ANKH: variants seen among roughly 807,000 people sequenced by gnomAD.
ANKH encodes mineralization regulator ANKH.
In ANKH, 15 loss-of-function variants were observed where a neutral mutation model predicts 49.0. The ratio of observed to expected loss-of-function variants is 0.31; its 90% CI spans 0.20 to 0.47. ANKH has a LOEUF of 0.47. Ranked by LOEUF, ANKH falls within the 20% of genes least tolerant of loss-of-function variation. The probability of loss-of-function intolerance (pLI) is 1.00; values close to 1 mark genes in which losing one functional copy is unlikely to be tolerated. For missense variants in ANKH, 429 were observed against 652.0 expected, an observed-to-expected ratio of 0.66 and a Z score of 3.72; for synonymous variants, 273 against 260.0, an observed-to-expected ratio of 1.05 and a Z score of -0.48.
At chr5:14,853,747 A>G (rs1279126583) in intron 1 of ANKH, among the ~76,000 whole-genome samples, 2 of 152,152 alleles carry the variant, frequency 1.3e-5, no homozygotes, top group African/African-American at 4.8e-5. Context: ...GTGTATTTTA[A>G]GTGAATTTTA....
intron 1 of ANKH, among the ~76,000 whole-genome samples, chr5:14,805,507 C>T (rs1189889582): frequency 6.8e-6 from 1 of 146,280 alleles, no homozygotes; most frequent in Non-Finnish European, 1.5e-5. Context: ...CACACACACA[C>T]GTATATATAC....
chr5:14,821,536 A>G (rs1204605178), intron 1 of ANKH, among the ~76,000 whole-genome samples: 1 of 152,252 alleles, frequency 6.6e-6, no homozygotes, highest in Non-Finnish European at 1.5e-5. Context: ...ATTATGGTTT[A>G]TACTTGCTGT....
At chr5:14,832,263 TA>T (rs1463327256) in intron 1 of ANKH, among the ~76,000 whole-genome samples, 3 of 152,292 alleles carry the variant, frequency 2.0e-5, no homozygotes, top group Non-Finnish European at 2.9e-5. Flanking sequence ...TAAAAGCTAT[TA>T]AAAAGTTGCT....
chr5:14,852,912 A>G lies in ANKH; in HGVS notation c.96+18440T>C, dbSNP rs1464038775. The stretch of plus-strand genomic sequence containing the variant: ...ACCCAGGAGAATTCATTCCCATCAC[A>G]CCCATTAATTCCACCCAAGCAGATC... On this transcript the variant is annotated intron_variant, in intron 1 of 11. Transcript: ENST00000284268. Among the ~76,000 whole-genome samples, 6 of 151,720 alleles carry G rather than the reference A, an allele frequency of 4.0e-5. No homozygotes were observed. The East Asian group carries it at 9.7e-4, about 25-fold the overall frequency.
intron 1 of ANKH, among the ~76,000 whole-genome samples, chr5:14,806,218 A>G (rs931707175): frequency 3.3e-5 from 5 of 152,180 alleles, no homozygotes; most frequent in African/African-American, 9.7e-5. Flanking sequence ...TCAGTTAAAG[A>G]GAATTATCTC....
chr5:14,825,506 C>G (rs1741313958), intron 1 of ANKH, among the ~76,000 whole-genome samples: 1 of 152,106 alleles, frequency 6.6e-6, no homozygotes, highest in Non-Finnish European at 1.5e-5. Flanking sequence ...TGTGCACCAC[C>G]ATGCCTGATT....
Position 14,709,829 on chromosome 5 carries a change from C to T in ANKH, c.*1368G>A, listed in dbSNP as rs1366595342. On this transcript the variant is annotated 3_prime_UTR_variant, in exon 12 of 12. Coordinates refer to ENST00000284268, the MANE Select transcript of ANKH (RefSeq NM_054027.6). ...AGCAATCACCGTATTGTATTAGAGACATTTTATTGAAAATGCGAAAATAGG... is the reference window on the plus strand; with the variant it reads ...AGCAATCACCGTATTGTATTAGAGATATTTTATTGAAAATGCGAAAATAGG... 1.3e-5 allele frequency: 2 copies of T among 152,582 alleles called. No individual in the cohort carries two copies. Among genetic ancestry groups the T allele is most frequent in the Non-Finnish European group, 2.9e-5 (2 of 68,018 alleles). 9.5% of individuals were successfully genotyped at this position (152,582 alleles called of 1,614,324 possible). A position where few individuals can be genotyped will look rare whatever the true frequency, so the allele number is the denominator to read the frequency against.
chr5:14,867,429 T>C (rs141143772), intron 1 of ANKH, among the ~76,000 whole-genome samples: 206 of 152,324 alleles, frequency 1.4e-3, no homozygotes, highest in Non-Finnish European at 2.3e-3. Flanking sequence ...TACTTTTGAT[T>C]CTCAATCTGT....
At chr5:14,719,079 T>G (rs2065908937) in intron 8 of ANKH, among the ~76,000 whole-genome samples, 1 of 152,156 alleles carries the variant, frequency 6.6e-6, no homozygotes, top group South Asian at 2.1e-4. Context: ...AAAGGGCCCA[T>G]CCGGGGGAGG....
intron 1 of ANKH, among the ~76,000 whole-genome samples, chr5:14,788,971 G>A (rs1332989864): frequency 6.6e-6 from 1 of 152,252 alleles, no homozygotes; most frequent in Non-Finnish European, 1.5e-5. Context: ...GCTCACGCCT[G>A]TAATCCCAGC....
intron 1 of ANKH, among the ~76,000 whole-genome samples, chr5:14,858,730 TAAATA>T (rs1270520489): frequency 1.0e-5 from 1 of 95,912 alleles, no homozygotes; most frequent in East Asian, 3.4e-4. Context: ...AATAAATAAA[TAAATA>T]AATAAATAAA....
At chr5:14,821,515 C>A (rs1271702084) in intron 1 of ANKH, among the ~76,000 whole-genome samples, 1 of 152,172 alleles carries the variant, frequency 6.6e-6, no homozygotes, top group Non-Finnish European at 1.5e-5. Flanking sequence ...TAACACTGAC[C>A]GTTTTTGGTA....
chr5:14,793,048 A>AT lies in ANKH; in HGVS notation c.97-23858_97-23857insA, dbSNP rs67589043. Among the ~76,000 whole-genome samples, 13 of 40,574 alleles carry AT rather than the reference A, an allele frequency of 3.2e-4. No homozygotes were observed. In the East Asian group the frequency reaches 0.01, roughly 33 times the overall value. The allele number at this position is 40,574 out of a possible 152,430, so 26.6% of individuals were successfully genotyped here. ...TATATATATATAAAAATATATATATAAATATATATAAAATATATATAAATA... is the reference window on the plus strand; with the variant it reads ...TATATATATATAAAAATATATATATATAATATATATAAAATATATATAAATA... On this transcript the variant is annotated intron_variant, in intron 1 of 11. Coordinates refer to ENST00000284268, the MANE Select transcript of ANKH (RefSeq NM_054027.6).
At chr5:14,723,617 T>A (rs1285300021) in intron 8 of ANKH, among the ~76,000 whole-genome samples, 4 of 152,008 alleles carry the variant, frequency 2.6e-5, no homozygotes, top group African/African-American at 9.7e-5. Flanking sequence ...CCAGCCTGAG[T>A]GACAAGATCC....
At position 14,749,190 on chromosome 5, in the gene ANKH, G is replaced by A; in HGVS notation, c.804C>T (p.Gly268=). The A allele has an allele frequency of 6.2e-7, 1 of 1,614,012 alleles. No individual in the cohort carries two copies. Among genetic ancestry groups the A allele is most frequent in the Non-Finnish European group, 8.5e-7 (1 of 1,179,930 alleles). The stretch of plus-strand genomic sequence containing the variant: ...GGCCCACCTCTGTGGCTGCAGAACT[G>A]CCACCAAGGTCCCGGGAAACAAAGA... The part of the protein sequence containing the change: ...VNLFVSRDLG[G]SSAATEAVAI... Residue 268 remains glycine (G), a synonymous_variant, in exon 6 of 12, where the codon GGC becomes GGT. Coordinates refer to ENST00000284268, the MANE Select transcript of ANKH (RefSeq NM_054027.6).
rs1477331541 is a variant in ANKH, at chr5:14,823,392, A to C, written c.96+47960T>G. Among the ~76,000 whole-genome samples the C allele has an allele frequency of 7.2e-5, 11 of 152,348 alleles. No homozygotes were observed. In the East Asian group the frequency reaches 2.1e-3, roughly 29 times the overall value. On this transcript the variant is annotated intron_variant, in intron 1 of 11. Coordinates refer to ENST00000284268, the MANE Select transcript of ANKH (RefSeq NM_054027.6). ...AATTTTAAAATAAAAAGAACTTTTA[A>C]AAAGGAGAGATCCTGTTTATAAAAT... is the stretch of plus-strand genomic sequence containing the variant.
At chr5:14,816,746 C>A (rs750724875) in intron 1 of ANKH, among the ~76,000 whole-genome samples, 2 of 152,122 alleles carry the variant, frequency 1.3e-5, no homozygotes, top group Non-Finnish European at 2.9e-5. Context: ...CCAAGAAAAG[C>A]TTCTCAAAAA....
Position 14,737,541 on chromosome 5 carries a change from G to A in ANKH, c.1011+4286C>T, listed in dbSNP as rs1738225646. Reference sequence around the variant, plus strand: ...GCCAGTCACATGAGCGACAGAGACCGCAGCTGTCCAGGAAGGCTCAGGGCA... The same window carrying A: ...GCCAGTCACATGAGCGACAGAGACCACAGCTGTCCAGGAAGGCTCAGGGCA... On this transcript the variant is annotated intron_variant, in intron 8 of 11. Coordinates refer to ENST00000284268, the MANE Select transcript of ANKH (RefSeq NM_054027.6). This position sits in a 1 kb window ranked among gnomAD's most constrained non-coding sequence, Gnocchi z 5.0. Among the ~76,000 whole-genome samples the A allele has an allele frequency of 6.6e-6, 1 of 152,198 alleles. No individual in the cohort carries two copies. The highest frequency in any genetic ancestry group is 1.5e-5 in the Non-Finnish European group (1 of 68,038).
At chr5:14,839,893 G>T (rs1326493405) in intron 1 of ANKH, among the ~76,000 whole-genome samples, 1 of 152,148 alleles carries the variant, frequency 6.6e-6, no homozygotes, top group Non-Finnish European at 1.5e-5. Context: ...ACCCTGACTG[G>T]CAAGTACCAT....
Sources: gnomAD v4.1 joint callset for allele counts (sites outside exome capture counted in the v4.1 genomes callset) on GRCh38, gnomAD v4.1.1 for gene constraint, Gnocchi (gnomAD v3.1) non-coding constraint, MANE v1.5 for transcripts, NCBI Gene and HGNC (gene_info 2026-07-23, HGNC 2026-07-21) for gene names.